The following FRMD4A variants were observed in gnomAD, a reference collection of about 807,000 sequenced individuals.
FRMD4A encodes the protein FERM domain-containing protein 4A.
FRMD4A carries 29 observed loss-of-function variants against 129.1 expected under a neutral mutation model. The observed-to-expected ratio is 0.22, with a 90% CI of 0.17 to 0.31. The LOEUF (loss-of-function observed/expected upper bound fraction) is 0.31, where lower values mean the gene tolerates loss of function less well. FRMD4A is among the 10% of genes least tolerant of loss of function. FRMD4A has a pLI of 1.00. For synonymous variants in FRMD4A, 634 were observed against 571.6 expected, an observed-to-expected ratio of 1.11 and a Z score of -1.56; for missense variants, 1,272 against 1,375.8, an observed-to-expected ratio of 0.92 and a Z score of 1.19.
At chr10:13,757,221 T>A (rs896874500) in intron 8 of FRMD4A, among the ~76,000 whole-genome samples, 3 of 152,258 alleles carry the variant, frequency 2.0e-5, no homozygotes, top group Non-Finnish European at 4.4e-5. Flanking sequence ...GAATTGTTTT[T>A]AAAGAGAAAT....
intron 2 of FRMD4A, among the ~76,000 whole-genome samples, chr10:14,128,654 C>T (rs1011562196): frequency 1.3e-5 from 2 of 152,126 alleles, no homozygotes; most frequent in Non-Finnish European, 2.9e-5. Context: ...CTCAGCGGGC[C>T]GTATGTTACT....
chr10:13,975,983 A>G (rs1463389134), intron 2 of FRMD4A, among the ~76,000 whole-genome samples: 1 of 152,306 alleles, frequency 6.6e-6, no homozygotes, highest in African/African-American at 2.4e-5. Context: ...GTAGTTTACC[A>G]CTTAGACAGT....
intron 2 of FRMD4A, among the ~76,000 whole-genome samples, chr10:14,137,792 ATTTAAT>A (rs557085519): frequency 1.1e-3 from 174 of 152,246 alleles, no homozygotes; most frequent in Middle Eastern, 6.8e-3. Flanking sequence ...CTACGCACTA[ATTTAAT>A]TTTAATTCTA....
intron 24 of FRMD4A, chr10:13,649,483 C>CAGGTGGCTCCT (rs1478490170): frequency 1.2e-4 from 16 of 128,682 alleles, no homozygotes; most frequent in Non-Finnish European, 2.8e-4. Flanking sequence ...GTTTGGTTCT[C>CAGGTGGCTCCT]AGGTGGCTCC....
At chr10:14,053,920 T>G (rs1834381388) in intron 2 of FRMD4A, among the ~76,000 whole-genome samples, 2 of 152,068 alleles carry the variant, frequency 1.3e-5, no homozygotes, top group Non-Finnish European at 2.9e-5. Flanking sequence ...CGCAGGAGGA[T>G]CACCTGAGCC....
chr10:14,301,214 C>A (rs1408979015), intron 2 of FRMD4A, among the ~76,000 whole-genome samples: 2 of 152,210 alleles, frequency 1.3e-5, no homozygotes, highest in African/African-American at 4.8e-5. Flanking sequence ...CCCAGGTATT[C>A]ACTGTATGTG....
At chr10:13,889,928 T>C (rs1248712658) in intron 2 of FRMD4A, among the ~76,000 whole-genome samples, 1 of 152,238 alleles carries the variant, frequency 6.6e-6, no homozygotes, top group Non-Finnish European at 1.5e-5. Context: ...ATTGCAGCTA[T>C]TTAACTTCTC....
intron 3 of FRMD4A, among the ~76,000 whole-genome samples, chr10:13,856,013 A>ACTATCTATCTATCTATCATCTATCTAT (rs994770198): frequency 2.2e-4 from 32 of 147,950 alleles, no homozygotes; most frequent in African/African-American, 7.7e-4. Flanking sequence ...ACACACAAAT[A>ACTATCTATCTATCTATCATCTATCTAT]CTATCTATCT....
chr10:14,305,035 TAAAC>T (rs1028578433), intron 2 of FRMD4A, among the ~76,000 whole-genome samples: 8 of 152,212 alleles, frequency 5.3e-5, no homozygotes, highest in Non-Finnish European at 1.0e-4. Flanking sequence ...GCTGCCTTAA[TAAAC>T]AACCTGAGCT....
rs552922680 is a variant in FRMD4A, at chr10:14,142,059, T to C, written c.45+187999A>G. Among the ~76,000 whole-genome samples the C allele has an allele frequency of 6.6e-4, 100 of 152,112 alleles. 1 individual carries two copies. In the South Asian group the frequency reaches 0.021, roughly 32 times the overall value. On this transcript the variant is annotated intron_variant, in intron 2 of 24. Transcript: ENST00000357447. ...AGTGACTGGTTTTGATTAGGATCAA[T>C]AATATATGACAAAACTCTAATAAAG...
chr10:14,179,992 C>T (rs1841858463), intron 2 of FRMD4A, among the ~76,000 whole-genome samples: 1 of 152,156 alleles, frequency 6.6e-6, no homozygotes, highest in Non-Finnish European at 1.5e-5. Context: ...TGAGATTGTG[C>T]CACTGCACTC....
intron 2 of FRMD4A, among the ~76,000 whole-genome samples, chr10:14,015,668 C>T (rs1209247202): frequency 6.6e-6 from 1 of 152,170 alleles, no homozygotes; most frequent in East Asian, 1.9e-4. Flanking sequence ...ATGATACTGG[C>T]TTCATCCTTG....
chr10:13,940,703 T>C (rs1245713099), intron 2 of FRMD4A, among the ~76,000 whole-genome samples: 1 of 152,152 alleles, frequency 6.6e-6, no homozygotes, highest in Non-Finnish European at 1.5e-5. Context: ...AGTGATGGGA[T>C]GAGAATGTCA....
intron 3 of FRMD4A, among the ~76,000 whole-genome samples, chr10:13,847,752 G>A (rs549974907): frequency 3.3e-5 from 5 of 152,322 alleles, no homozygotes; most frequent in South Asian, 2.1e-4. Context: ...TCCTGGACTC[G>A]TAAAAAGTTC....
At position 13,700,111 on chromosome 10, in the gene FRMD4A, CTTT is replaced by C. The variant is rs113984358; in HGVS notation, c.975+1226_975+1228del. Among the ~76,000 whole-genome samples the C allele has an allele frequency of 3.3e-5, 5 of 149,534 alleles. No individual in the cohort carries two copies. The East Asian group carries it at 5.9e-4, about 18-fold the overall frequency. Reference sequence around the variant, plus strand: ...TCATTTCGTCCTGTCCTCTTTTCTTCTTTTTTTTTTCTTTTAGTAGAGATGGGG... The same window carrying C: ...TCATTTCGTCCTGTCCTCTTTTCTTCTTTTTTTCTTTTAGTAGAGATGGGG... On this transcript the variant is annotated intron_variant, in intron 14 of 24. Transcript: ENST00000357447.
At chr10:14,273,419 C>T (rs1469620950) in intron 2 of FRMD4A, among the ~76,000 whole-genome samples, 1 of 152,160 alleles carries the variant, frequency 6.6e-6, no homozygotes, top group Non-Finnish European at 1.5e-5. Flanking sequence ...ATCTCCTACT[C>T]ATAACACTTA....
intron 2 of FRMD4A, among the ~76,000 whole-genome samples, chr10:14,322,538 G>A (rs1164504259): frequency 6.6e-6 from 1 of 152,118 alleles, no homozygotes; most frequent in East Asian, 1.9e-4. Flanking sequence ...GAAAACCATG[G>A]GTGTGCATGA....
At chr10:14,174,287 C>T (rs957358432) in intron 2 of FRMD4A, among the ~76,000 whole-genome samples, 2 of 151,710 alleles carry the variant, frequency 1.3e-5, no homozygotes, top group Non-Finnish European at 3.0e-5. Flanking sequence ...CTCCCGCGCT[C>T]TCTCTCCTCC....
At chr10:13,866,349 C>A (rs2094367470) in intron 2 of FRMD4A, 1 of 750,408 alleles carries the variant, frequency 1.3e-6, no homozygotes, top group Non-Finnish European at 1.6e-6. Flanking sequence ...CCCTCATGAT[C>A]TGACCTCTGA....
Sources: allele counts gnomAD v4.1 joint callset (sites outside exome capture counted in the v4.1 genomes callset), GRCh38; gene constraint gnomAD v4.1.1; transcripts MANE v1.5; gene names NCBI Gene and HGNC (gene_info 2026-07-23, HGNC 2026-07-21).